The following CNTNAP5 variants were observed in gnomAD, a reference collection of about 807,000 sequenced individuals.
CNTNAP5 encodes contactin-associated protein-like 5.
Under a neutral mutation model 150.2 loss-of-function variants are expected in CNTNAP5, and 72 were observed. The ratio of observed to expected loss-of-function variants is 0.48; its 90% CI spans 0.40 to 0.58. CNTNAP5 has a LOEUF of 0.58. Ranked by LOEUF, CNTNAP5 falls within the 20% of genes least tolerant of loss-of-function variation. The probability of loss-of-function intolerance (pLI) is 0.00; values close to 1 mark genes in which losing one functional copy is unlikely to be tolerated. For synonymous variants in CNTNAP5, 672 were observed against 619.8 expected (o/e 1.08, Z -1.25); for missense variants, 1,636 against 1,626.2 (o/e 1.01, Z -0.10).
chr2:124,204,435 G>T (rs1685811213), intron 1 of CNTNAP5, among the ~76,000 whole-genome samples: 1 of 152,058 alleles, frequency 6.6e-6, no homozygotes, highest in Non-Finnish European at 1.5e-5. Flanking sequence ...TCCAACCTCT[G>T]CCAGTTACCC....
At chr2:124,501,773 A>G (rs944669203) in intron 7 of CNTNAP5, among the ~76,000 whole-genome samples, 1 of 152,192 alleles carries the variant, frequency 6.6e-6, no homozygotes, top group Non-Finnish European at 1.5e-5. Context: ...GGCACACAGC[A>G]GCTATGTGAC....
intron 11 of CNTNAP5, among the ~76,000 whole-genome samples, chr2:124,565,254 A>C (rs1023132980): frequency 2.6e-5 from 4 of 152,318 alleles, no homozygotes; most frequent in African/African-American, 7.2e-5. Flanking sequence ...CAGAAACAAA[A>C]AAAATATTGT....
intron 19 of CNTNAP5, among the ~76,000 whole-genome samples, chr2:124,829,734 T>G (rs2104679549): frequency 6.6e-6 from 1 of 152,070 alleles, no homozygotes; most frequent in Non-Finnish European, 1.5e-5. Context: ...CTAGAGCTTA[T>G]TATAAATGTT....
At chr2:124,888,652 A>G (rs757343783) in intron 21 of CNTNAP5, among the ~76,000 whole-genome samples, 2 of 152,064 alleles carry the variant, frequency 1.3e-5, no homozygotes, top group Non-Finnish European at 2.9e-5. Flanking sequence ...GATTCATATG[A>G]GATGGTATCT....
At chr2:124,768,345 TATG>T (rs1681113685) in intron 16 of CNTNAP5, among the ~76,000 whole-genome samples, 1 of 151,446 alleles carries the variant, frequency 6.6e-6, no homozygotes, top group Non-Finnish European at 1.5e-5. Context: ...ACTGTATAAA[TATG>T]AGAGAAAAGA....
chr2:124,852,132 A>G (rs528241464), intron 19 of CNTNAP5, among the ~76,000 whole-genome samples: 2 of 152,346 alleles, frequency 1.3e-5, no homozygotes, highest in East Asian at 3.9e-4. Context: ...TTGTAGTCAG[A>G]AAACAAAATT....
intron 3 of CNTNAP5, among the ~76,000 whole-genome samples, chr2:124,326,832 A>G (rs942428434): frequency 6.6e-6 from 1 of 151,980 alleles, no homozygotes; most frequent in African/African-American, 2.4e-5. Context: ...TTAGTTGGGG[A>G]TGGATGCACA....
intron 11 of CNTNAP5, among the ~76,000 whole-genome samples, chr2:124,588,177 CTTCT>C (rs746237108): frequency 0.023 from 2,567 of 110,346 alleles, 48 homozygotes; most frequent in Non-Finnish European, 0.027. Flanking sequence ...TCCTTCCTTC[CTTCT>C]TTCTTTCTTT....
At chr2:124,299,619 T>G (rs958552235) in intron 3 of CNTNAP5, among the ~76,000 whole-genome samples, 1 of 87,366 alleles carries the variant, frequency 1.1e-5, no homozygotes, top group African/African-American at 4.3e-5. Flanking sequence ...TCCATGTCTT[T>G]GCTGTTGTGA....
intron 3 of CNTNAP5, among the ~76,000 whole-genome samples, chr2:124,408,212 G>C (rs1402822442): frequency 1.3e-5 from 2 of 152,172 alleles, no homozygotes; most frequent in South Asian, 2.1e-4. Flanking sequence ...ATTATATCTC[G>C]CACCTGGCTC....
At chr2:124,666,082 T>G (rs1399421499) in intron 13 of CNTNAP5, among the ~76,000 whole-genome samples, 1 of 152,140 alleles carries the variant, frequency 6.6e-6, no homozygotes, top group East Asian at 1.9e-4. Flanking sequence ...GGGTAAAATA[T>G]AACCCAAAGA....
At chr2:124,675,440 A>G (rs11894147) in intron 13 of CNTNAP5, among the ~76,000 whole-genome samples, 4,246 of 152,150 alleles carry the variant, frequency 0.028, 192 homozygotes, top group African/African-American at 0.097. Flanking sequence ...TGATTAATTT[A>G]ATTCACTTAT....
intron 13 of CNTNAP5, among the ~76,000 whole-genome samples, chr2:124,697,126 T>C (rs1046761929): frequency 3.3e-5 from 5 of 152,156 alleles, no homozygotes; most frequent in Non-Finnish European, 5.9e-5. Context: ...TAGAATTTTT[T>C]AAATTTACGG....
At chr2:124,506,079 T>C (rs1694400313) in intron 8 of CNTNAP5, among the ~76,000 whole-genome samples, 3 of 151,796 alleles carry the variant, frequency 2.0e-5, no homozygotes, top group Admixed American at 2.0e-4. Flanking sequence ...TTAATATAAG[T>C]AGATAGTTTA....
rs552061803 is a variant in CNTNAP5 at position 124,897,301 on chromosome 2, C to G, written c.3437-5581C>G. On this transcript the variant is annotated intron_variant, in intron 21 of 23. Transcript: ENST00000682447. ...TTTATGTTTCCATGGACATAATGATCTCCCTCTACTATAAGATTTATTGCC... is the reference window on the plus strand; with the variant it reads ...TTTATGTTTCCATGGACATAATGATGTCCCTCTACTATAAGATTTATTGCC... 2.2e-4 allele frequency among the ~76,000 whole-genome samples: 34 copies of G among 151,624 alleles called. No individual in the cohort carries two copies. The South Asian group carries it at 6.4e-3, about 29-fold the overall frequency.
intron 1 of CNTNAP5, among the ~76,000 whole-genome samples, chr2:124,048,967 G>A (rs1681617571): frequency 2.0e-5 from 3 of 152,140 alleles, no homozygotes; most frequent in Admixed American, 2.0e-4. Context: ...TTCTTTAATG[G>A]CAATTTTCTC....
At chr2:124,554,392 G>A (rs2104920706) in intron 10 of CNTNAP5, among the ~76,000 whole-genome samples, 1 of 150,828 alleles carries the variant, frequency 6.6e-6, no homozygotes, top group East Asian at 2.0e-4. Context: ...TTTCAATTAA[G>A]GATCTAAATC....
chr2:124,406,142 C>T (rs796069842), intron 3 of CNTNAP5, among the ~76,000 whole-genome samples: 1 of 152,106 alleles, frequency 6.6e-6, no homozygotes, highest in Non-Finnish European at 1.5e-5. Context: ...TGAGGTTTTT[C>T]TAGATAATTT....
At chr2:124,290,169 G>A (rs1410583969) in intron 3 of CNTNAP5, among the ~76,000 whole-genome samples, 3 of 152,076 alleles carry the variant, frequency 2.0e-5, no homozygotes, top group Non-Finnish European at 4.4e-5. Flanking sequence ...TGGCATATCT[G>A]AAGATGAACT....
Sources: gnomAD v4.1 joint callset for allele counts (sites outside exome capture counted in the v4.1 genomes callset) on GRCh38, gnomAD v4.1.1 for gene constraint, MANE v1.5 for transcripts, NCBI Gene and HGNC (gene_info 2026-07-23, HGNC 2026-07-21) for gene names.